The following SMIM31 variants were observed in gnomAD, a reference collection of about 807,000 sequenced individuals.
SMIM31 encodes small integral membrane protein 31.
chr4:164,767,958 A>G (rs1261015148), intron 1 of SMIM31, among the ~76,000 whole-genome samples: 1 of 152,138 alleles, frequency 6.6e-6, no homozygotes, highest in African/African-American at 2.4e-5. Context: ...TCACAGGGCC[A>G]GAGGCGGTAG....
chr4:164,754,653 TTC>T (rs1232142057), intron 1 of SMIM31, among the ~76,000 whole-genome samples: 3 of 151,220 alleles, frequency 2.0e-5, no homozygotes, highest in Admixed American at 6.6e-5. Context: ...AATATTTTTC[TTC>T]TCTTTTGCTA....
rs1732785705 is a variant in SMIM31, at chr4:164,770,465, T to G, written c.22T>G (p.Leu8Val). Residue 8 changes from leucine to valine, a missense_variant, in exon 2 of 3, where the codon TTG becomes GTG. Physicochemically the swap from Leu to Val is conservative, Grantham distance 32 (BLOSUM62 1). Coordinates refer to ENST00000507311, the MANE Select transcript of SMIM31 (RefSeq NM_001352885.1). ...GTTCATGGAGCTTCCCTACACCAAC[T>G]TGGAAATGGCATTCATTTTATTGGC... is the stretch of plus-strand genomic sequence containing the variant. MELPYTN[L>V]EMAFILLAFV... 1 of 399,054 alleles carries G rather than the reference T, an allele frequency of 2.5e-6. No homozygotes were observed. The allele number at this position is 399,054 out of a possible 1,614,324, so 24.7% of individuals were successfully genotyped here. A position where few individuals can be genotyped will look rare whatever the true frequency, so the allele number is the denominator to read the frequency against.
intron 2 of SMIM31, among the ~76,000 whole-genome samples, chr4:164,777,188 T>C (rs1327760109): frequency 6.6e-6 from 1 of 152,250 alleles, no homozygotes; most frequent in Non-Finnish European, 1.5e-5. Flanking sequence ...AGGTTTGATA[T>C]ATTCATGAAT....
chr4:164,767,732 T>C (rs1361191025), intron 1 of SMIM31, among the ~76,000 whole-genome samples: 1 of 152,246 alleles, frequency 6.6e-6, no homozygotes, highest in Non-Finnish European at 1.5e-5. Context: ...AGGGCATAGT[T>C]GTGGAGAGCT....
intron 1 of SMIM31, among the ~76,000 whole-genome samples, chr4:164,758,398 G>C (rs1181354498): frequency 6.6e-6 from 1 of 152,090 alleles, no homozygotes; most frequent in Admixed American, 6.5e-5. Context: ...AAAGCCTTCA[G>C]TGTAAGTTGG....
chr4:164,771,328 G>A (rs1732799010), intron 2 of SMIM31, among the ~76,000 whole-genome samples: 1 of 152,126 alleles, frequency 6.6e-6, no homozygotes, highest in Non-Finnish European at 1.5e-5. Context: ...TTTAAAATGG[G>A]TTTGGCTAAA....
At chr4:164,765,105 A>G (rs1295013446) in intron 1 of SMIM31, among the ~76,000 whole-genome samples, 1 of 152,210 alleles carries the variant, frequency 6.6e-6, no homozygotes, top group East Asian at 1.9e-4. Context: ...AAAGTTCTCA[A>G]GGACAAGATG....
chr4:164,795,863 CCCT>C (rs1733188671), intron 2 of SMIM31, among the ~76,000 whole-genome samples: 1 of 152,132 alleles, frequency 6.6e-6, no homozygotes, highest in Non-Finnish European at 1.5e-5. Context: ...ACAACCTCTG[CCCT>C]CCAAGAAAGC....
intron 2 of SMIM31, among the ~76,000 whole-genome samples, chr4:164,771,494 T>G (rs1407365020): frequency 6.6e-6 from 1 of 152,132 alleles, no homozygotes; most frequent in East Asian, 1.9e-4. Context: ...CTTTCCATCT[T>G]CGACATAAAT....
At chr4:164,782,255 A>C (rs1454759373) in intron 2 of SMIM31, among the ~76,000 whole-genome samples, 19 of 150,982 alleles carry the variant, frequency 1.3e-4, no homozygotes, top group Admixed American at 1.3e-3. Flanking sequence ...GCGCCATTGC[A>C]CTCCACCTGG....
At chr4:164,784,600 A>G (rs1457962553) in intron 2 of SMIM31, among the ~76,000 whole-genome samples, 1 of 152,314 alleles carries the variant, frequency 6.6e-6, no homozygotes, top group East Asian at 1.9e-4. Context: ...AGGGACTACA[A>G]AGATGCTGGG....
intron 1 of SMIM31, among the ~76,000 whole-genome samples, chr4:164,755,207 C>T (rs1032944615): frequency 1.3e-4 from 20 of 151,430 alleles, no homozygotes; most frequent in South Asian, 8.4e-4. Context: ...CAGCCAGGCA[C>T]GGTGGCTCAT....
chr4:164,754,405 G>A lies in SMIM31; in HGVS notation c.-32G>A, dbSNP rs138235890. 5 of 151,046 alleles carry A rather than the reference G, an allele frequency of 3.3e-5. No individual in the cohort carries two copies. In the East Asian group the frequency reaches 9.7e-4, roughly 29 times the overall value. The allele number at this position is 151,046 out of a possible 1,614,324, so 9.4% of individuals were successfully genotyped here. A position where few individuals can be genotyped will look rare whatever the true frequency, so the allele number is the denominator to read the frequency against. ...CCTAGCCACTCTCAGGGACAGGAAT[G>A]CTTCTGGTAAGTTTTTATAAATCCC... On this transcript the variant is annotated 5_prime_UTR_variant, in exon 1 of 3. The change abolishes an upstream ATG in the 5' untranslated region. Coordinates refer to ENST00000507311, the MANE Select transcript of SMIM31 (RefSeq NM_001352885.1).
intron 2 of SMIM31, among the ~76,000 whole-genome samples, chr4:164,794,138 A>G (rs1330739871): frequency 1.3e-5 from 2 of 152,210 alleles, no homozygotes; most frequent in Non-Finnish European, 2.9e-5. Context: ...GCATTTTGGG[A>G]GGCCAAGGCA....
At chr4:164,764,589 G>GA (rs777059865) in intron 1 of SMIM31, among the ~76,000 whole-genome samples, 2 of 149,950 alleles carry the variant, frequency 1.3e-5, no homozygotes, top group Non-Finnish European at 3.0e-5. Flanking sequence ...GAAAAAAATA[G>GA]AAAAAAATGT....
chr4:164,777,683 G>A (rs75222669), intron 2 of SMIM31, among the ~76,000 whole-genome samples: 5,379 of 151,956 alleles, frequency 0.035, 320 homozygotes, highest in African/African-American at 0.12. Context: ...CTCTTGACAA[G>A]CAGTAGCTAT....
At chr4:164,757,050 A>G (rs114492440) in intron 1 of SMIM31, among the ~76,000 whole-genome samples, 4,345 of 152,230 alleles carry the variant, frequency 0.029, 122 homozygotes, top group African/African-American at 0.071. Flanking sequence ...TTGTATGAGC[A>G]TTTCAGTTAC....
At chr4:164,771,413 G>A (rs567935216) in intron 2 of SMIM31, among the ~76,000 whole-genome samples, 4 of 152,276 alleles carry the variant, frequency 2.6e-5, no homozygotes, top group South Asian at 2.1e-4. Context: ...CAGGAAGCCC[G>A]GAGGTAGTGA....
At chr4:164,762,680 A>AG (rs1489479928) in intron 1 of SMIM31, among the ~76,000 whole-genome samples, 2 of 148,408 alleles carry the variant, frequency 1.3e-5, no homozygotes, top group South Asian at 2.1e-4. Flanking sequence ...AAAAAAAAAA[A>AG]AAAGAAAAAG....
Sources: gnomAD v4.1 joint callset for allele counts (sites outside exome capture counted in the v4.1 genomes callset) on GRCh38, gnomAD v4.1.1 for gene constraint, MANE v1.5 for transcripts, NCBI Gene and HGNC (gene_info 2026-07-23, HGNC 2026-07-21) for gene names.